KCTD8: variants seen among roughly 807,000 people sequenced by gnomAD.
The protein encoded by KCTD8 is potassium channel tetramerization domain containing 8.
A neutral mutation model predicts 31.5 loss-of-function variants in KCTD8; 27 were observed. The observed-to-expected ratio is 0.86, with a 90% CI of 0.63 to 1.18. The LOEUF is 1.18. Ranked by LOEUF, KCTD8 falls within the 50% of genes most tolerant of loss-of-function variation. KCTD8 has a pLI of 0.00. For synonymous variants in KCTD8, 290 were observed against 280.0 expected (o/e 1.04, Z -0.36); for missense variants, 658 against 647.7 (o/e 1.02, Z -0.17).
chr4:44,237,944 T>C (rs374128384), intron 1 of KCTD8, among the ~76,000 whole-genome samples: 19 of 152,270 alleles, frequency 1.2e-4, no homozygotes, highest in African/African-American at 4.3e-4. Context: ...GCTCCTGTCA[T>C]TAATTCCCCC....
chr4:44,421,122 A>T lies in KCTD8; in HGVS notation c.961+26441T>A, dbSNP rs577278931. ...AGTGGGTTTTTCTGAAAGCAAGAGG[A>T]TCAGTTGTCTCCATACGATTTGACT... On this transcript the variant is annotated intron_variant, in intron 1 of 1. Transcript: ENST00000360029. Among the ~76,000 whole-genome samples the T allele has an allele frequency of 2.0e-5, 3 of 152,224 alleles. No individual in the cohort carries two copies. In the South Asian group the frequency reaches 6.2e-4, roughly 32 times the overall value.
chr4:44,430,901 T>C (rs566244542), intron 1 of KCTD8, among the ~76,000 whole-genome samples: 6 of 151,712 alleles, frequency 4.0e-5, no homozygotes, highest in South Asian at 2.1e-4. Context: ...TAAGCCCTGA[T>C]GGTTATTTCT....
chr4:44,448,221 CCGGT>C lies in KCTD8; in HGVS notation c.299_302del (p.Asp100GlyfsTer226). Reference sequence around the variant, plus strand: ...GCACGTACCTGAAAAGGAAGCCGTCCCGGTCGATGAAGAAGCGCGCCCGGCTGTC... The same window carrying C: ...GCACGTACCTGAAAAGGAAGCCGTCCCGATGAAGAAGCGCGCCCGGCTGTC... On this transcript the variant is annotated frameshift_variant, in exon 1 of 2. Transcript: ENST00000360029. LOFTEE classifies it high-confidence loss of function. The surrounding 1 kb of genome is among the most constrained non-coding windows in gnomAD (Gnocchi z 4.1). 6.2e-7 allele frequency: 1 copy of C among 1,612,174 alleles called. No homozygotes were observed.
In KCTD8 at chr4:44,244,841, T is replaced by C. The variant is rs553741092; in HGVS notation, c.962-69591A>G. 7.5e-3 allele frequency among the ~76,000 whole-genome samples: 658 copies of C among 88,208 alleles called. 10 individuals are homozygous for C. The highest frequency in any genetic ancestry group is 0.028 in the African/African-American group (637 of 23,088). The allele number at this position is 88,208 out of a possible 152,430, so 57.9% of individuals were successfully genotyped here. ...GTTCAATCATCAGTAATTTTCCCTG[T>C]AGTTGTGGGGGGGGGGGGGTCTTCA... On this transcript the variant is annotated intron_variant, in intron 1 of 1. Coordinates refer to ENST00000360029, the MANE Select transcript of KCTD8 (RefSeq NM_198353.3).
chr4:44,333,334 G>A (rs968973994), intron 1 of KCTD8, among the ~76,000 whole-genome samples: 35 of 152,088 alleles, frequency 2.3e-4, no homozygotes, highest in Admixed American at 2.0e-3. Flanking sequence ...TTAATAAGTC[G>A]CAAGCAAACC....
chr4:44,282,495 G>C (rs533216043), intron 1 of KCTD8, among the ~76,000 whole-genome samples: 1 of 152,154 alleles, frequency 6.6e-6, no homozygotes, highest in African/African-American at 2.4e-5. Context: ...TGTCCTCTAA[G>C]TGTACAAGTG....
At chr4:44,235,296 T>C (rs1577845325) in intron 1 of KCTD8, among the ~76,000 whole-genome samples, 2 of 150,390 alleles carry the variant, frequency 1.3e-5, no homozygotes, top group Non-Finnish European at 3.0e-5. Flanking sequence ...TGAAGGTCAG[T>C]CACCCAGCAA....
chr4:44,278,648 A>T (rs1716816368), intron 1 of KCTD8, among the ~76,000 whole-genome samples: 1 of 152,058 alleles, frequency 6.6e-6, no homozygotes, highest in Admixed American at 6.6e-5. Context: ...AAAACGCATC[A>T]CATTCACATT....
chr4:44,419,907 C>T (rs1401823025), intron 1 of KCTD8, among the ~76,000 whole-genome samples: 1 of 151,702 alleles, frequency 6.6e-6, no homozygotes, highest in Non-Finnish European at 1.5e-5. Context: ...TTCAAGCTAC[C>T]TTTCTGAACC....
chr4:44,364,121 G>A (rs1719569376), intron 1 of KCTD8, among the ~76,000 whole-genome samples: 1 of 151,940 alleles, frequency 6.6e-6, no homozygotes, highest in African/African-American at 2.4e-5. Context: ...TTTGTCAAAA[G>A]ACAATGTTAA....
At chr4:44,393,563 CATTAT>C (rs1720423587) in intron 1 of KCTD8, among the ~76,000 whole-genome samples, 1 of 149,672 alleles carries the variant, frequency 6.7e-6, no homozygotes, top group Non-Finnish European at 1.5e-5. Context: ...TACCTACTCA[CATTAT>C]AAGTATTAAA....
intron 1 of KCTD8, among the ~76,000 whole-genome samples, chr4:44,253,120 A>G (rs1001297872): frequency 2.6e-5 from 4 of 151,780 alleles, no homozygotes; most frequent in East Asian, 3.9e-4. Context: ...ATTTTAAAAT[A>G]TAAGTTTTCT....
chr4:44,175,549 T>C (rs1713189596), intron 1 of KCTD8, among the ~76,000 whole-genome samples: 1 of 152,212 alleles, frequency 6.6e-6, no homozygotes, highest in Non-Finnish European at 1.5e-5. Flanking sequence ...AGAAGATTTT[T>C]GTTATTTTAA....
At chr4:44,420,226 AC>A (rs1390060988) in intron 1 of KCTD8, among the ~76,000 whole-genome samples, 1 of 152,110 alleles carries the variant, frequency 6.6e-6, no homozygotes, top group Non-Finnish European at 1.5e-5. Flanking sequence ...ATCACTCAAA[AC>A]TTTAAACAAA....
At chr4:44,272,012 T>C (rs1441125376) in intron 1 of KCTD8, among the ~76,000 whole-genome samples, 5 of 151,674 alleles carry the variant, frequency 3.3e-5, no homozygotes, top group Non-Finnish European at 7.4e-5. Context: ...CAAATGAAAA[T>C]GAGAAAGTAC....
At chr4:44,394,482 G>A (rs1206352816) in intron 1 of KCTD8, among the ~76,000 whole-genome samples, 2 of 151,990 alleles carry the variant, frequency 1.3e-5, no homozygotes, top group Admixed American at 6.6e-5. Flanking sequence ...GAAATTCAAT[G>A]TCTGTGCAAT....
At chr4:44,407,159 A>G (rs1009062161) in intron 1 of KCTD8, among the ~76,000 whole-genome samples, 7 of 152,092 alleles carry the variant, frequency 4.6e-5, no homozygotes, top group Non-Finnish European at 8.8e-5. Context: ...TGATTCTTCC[A>G]ATTATTTAAA....
Position 44,364,036 on chromosome 4 carries a change from C to G in KCTD8, c.961+83527G>C, listed in dbSNP as rs987028792. On this transcript the variant is annotated intron_variant, in intron 1 of 1. Coordinates refer to ENST00000360029, the MANE Select transcript of KCTD8 (RefSeq NM_198353.3). The stretch of plus-strand genomic sequence containing the variant: ...ATTATATGATCTTGGATTTGGCAGT[C>G]ACTTTTTAGATACAACATGAAAAGC... Among the ~76,000 whole-genome samples the G allele has an allele frequency of 5.5e-4, 84 of 152,124 alleles. 1 individual carries two copies. The highest frequency in any genetic ancestry group is 5.0e-3 in the Admixed American group (76 of 15,256).
At chr4:44,302,667 G>A (rs573169883) in intron 1 of KCTD8, among the ~76,000 whole-genome samples, 1 of 151,982 alleles carries the variant, frequency 6.6e-6, no homozygotes, top group East Asian at 1.9e-4. Context: ...TCTGCAAACA[G>A]GGACAATTTG....
Sources: allele counts gnomAD v4.1 joint callset (sites outside exome capture counted in the v4.1 genomes callset), GRCh38; gene constraint gnomAD v4.1.1; non-coding constraint Gnocchi (gnomAD v3.1); transcripts MANE v1.5; gene names NCBI Gene and HGNC (gene_info 2026-07-23, HGNC 2026-07-21).